The following PLA2R1 variants were observed in gnomAD, a reference collection of about 807,000 sequenced individuals.
The protein encoded by PLA2R1 is phospholipase A2 receptor 1.
Under a neutral mutation model 195.9 loss-of-function variants are expected in PLA2R1, and 158 were observed. The observed-to-expected ratio is 0.81, with a 90% CI of 0.71 to 0.92. The LOEUF is 0.92. Among genes scored for constraint, PLA2R1 ranks in the 40% least tolerant of loss-of-function variants. PLA2R1 has a pLI of 0.00. For synonymous variants in PLA2R1, 586 were observed against 598.2 expected, an observed-to-expected ratio of 0.98 and a Z score of 0.30; for missense variants, 1,626 against 1,764.6, an observed-to-expected ratio of 0.92 and a Z score of 1.41.
chr2:159,951,624 CAAAG>C, intron 23 of PLA2R1, 46 bp from the exon 24 acceptor site: 3 of 967,672 alleles, frequency 3.1e-6, no homozygotes, highest in Admixed American at 1.7e-5. Flanking sequence ...ATCTGGATGA[CAAAG>C]GAAGAGGCAA....
At chr2:159,950,544 T>C (rs372364172) in intron 24 of PLA2R1, among the ~76,000 whole-genome samples, 30 of 152,356 alleles carry the variant, frequency 2.0e-4, no homozygotes, top group African/African-American at 7.0e-4. Context: ...TAATAAGTTG[T>C]GGTATATCCT....
intron 11 of PLA2R1, among the ~76,000 whole-genome samples, chr2:159,999,902 G>T (rs1157227386): frequency 6.6e-6 from 1 of 152,132 alleles, no homozygotes; most frequent in Non-Finnish European, 1.5e-5. Flanking sequence ...TACCCTGAAA[G>T]ATTCTTTTGG....
At chr2:159,946,235 C>T (rs575134467) in intron 27 of PLA2R1, 96 of 979,662 alleles carry the variant, frequency 9.8e-5, no homozygotes, top group African/African-American at 9.1e-4. Flanking sequence ...TACTCCTCCT[C>T]GAAAGGGTAG....
intron 11 of PLA2R1, among the ~76,000 whole-genome samples, chr2:159,996,811 A>G (rs1488038395): frequency 1.3e-5 from 2 of 152,098 alleles, no homozygotes; most frequent in Non-Finnish European, 2.9e-5. Flanking sequence ...TGCCCAGTCT[A>G]CTATAAGGTC....
intron 8 of PLA2R1, 97 bp downstream of exon 8, chr2:160,020,009 C>T: frequency 1.3e-6 from 1 of 773,306 alleles, no homozygotes; most frequent in Non-Finnish European, 2.1e-6. Flanking sequence ...ACAGGGACTG[C>T]ACCTGTCTTG....
rs879483770 is a variant in PLA2R1 at position 159,934,496 on chromosome 2, C to T, written c.*7282G>A. Reference sequence around the variant, plus strand: ...AGTGGTCCTCAAACTTTTTGGCTAGCATACAAAATTGTTAAAAGAATCATG... The same window carrying T: ...AGTGGTCCTCAAACTTTTTGGCTAGTATACAAAATTGTTAAAAGAATCATG... On this transcript the variant is annotated 3_prime_UTR_variant, in exon 30 of 30. Coordinates refer to ENST00000283243, the MANE Select transcript of PLA2R1 (RefSeq NM_007366.5). The T allele has an allele frequency of 2.2e-4, 33 of 152,122 alleles. No homozygotes were observed. The highest frequency in any genetic ancestry group is 6.5e-4 in the African/African-American group (27 of 41,430). 9.4% of individuals were successfully genotyped at this position (152,122 alleles called of 1,614,324 possible).
chr2:159,937,673 T>C lies in PLA2R1; in HGVS notation c.*4105A>G, dbSNP rs964707631. Reference sequence around the variant, plus strand: ...TTTTCTACAGCTTGTTCTCTGACAATAGTCAGGCAGTGGATGAGATAAATT... The same window carrying C: ...TTTTCTACAGCTTGTTCTCTGACAACAGTCAGGCAGTGGATGAGATAAATT... On this transcript the variant is annotated 3_prime_UTR_variant, in exon 30 of 30. Coordinates refer to ENST00000283243, the MANE Select transcript of PLA2R1 (RefSeq NM_007366.5). 6.6e-6 allele frequency: 1 copy of C among 152,232 alleles called. No individual in the cohort carries two copies. The highest frequency in any genetic ancestry group is 1.5e-5 in the Non-Finnish European group (1 of 68,038). 9.4% of individuals were successfully genotyped at this position (152,232 alleles called of 1,614,324 possible).
chr2:160,004,080 T>C (rs1415647452), intron 11 of PLA2R1, among the ~76,000 whole-genome samples: 3 of 152,218 alleles, frequency 2.0e-5, no homozygotes, highest in Non-Finnish European at 4.4e-5. Flanking sequence ...TAACAGTGGT[T>C]GTTTCTGAAA....
chr2:160,011,959 C>CGTGTGTCTGTTTGTGT (rs1558922309), intron 10 of PLA2R1, among the ~76,000 whole-genome samples: 1 of 151,332 alleles, frequency 6.6e-6, no homozygotes, highest in East Asian at 1.9e-4. Context: ...TGTGTGTGTG[C>CGTGTGTCTGTTTGTGT]GTGTGTCTGT....
chr2:159,972,101 C>T (rs1255850111), intron 17 of PLA2R1, among the ~76,000 whole-genome samples: 3 of 152,032 alleles, frequency 2.0e-5, no homozygotes, highest in African/African-American at 7.2e-5. Context: ...TGTTCACTGC[C>T]CCAATTAAGG....
intron 4 of PLA2R1, among the ~76,000 whole-genome samples, chr2:160,029,557 C>T (rs1277801432): frequency 6.6e-6 from 1 of 152,056 alleles, no homozygotes; most frequent in African/African-American, 2.4e-5. Context: ...TGTGGCCCCT[C>T]CTCTTAACCA....
intron 11 of PLA2R1, among the ~76,000 whole-genome samples, chr2:159,990,992 A>G (rs1690742820): frequency 6.6e-6 from 1 of 152,218 alleles, no homozygotes; most frequent in South Asian, 2.1e-4. Context: ...ATTAGGGCAC[A>G]GAGGCTTAGT....
chr2:159,953,946 G>T (rs1019851180), intron 23 of PLA2R1, among the ~76,000 whole-genome samples: 3 of 152,146 alleles, frequency 2.0e-5, no homozygotes, highest in African/African-American at 7.2e-5. Context: ...CGATTCTCAT[G>T]CCTCAGCCTC....
At chr2:160,046,679 G>A (rs1366217729) in intron 1 of PLA2R1, among the ~76,000 whole-genome samples, 1 of 152,058 alleles carries the variant, frequency 6.6e-6, no homozygotes, top group Non-Finnish European at 1.5e-5. Flanking sequence ...AGTTGAATTA[G>A]TTGTCAGAGA....
At chr2:160,051,266 T>G (rs940141863) in intron 1 of PLA2R1, among the ~76,000 whole-genome samples, 1 of 152,228 alleles carries the variant, frequency 6.6e-6, no homozygotes, top group Non-Finnish European at 1.5e-5. Flanking sequence ...TCAAGTGCAA[T>G]GCTTAAGACA....
chr2:159,996,162 T>C (rs1470884688), intron 11 of PLA2R1, among the ~76,000 whole-genome samples: 7 of 152,248 alleles, frequency 4.6e-5, no homozygotes, highest in African/African-American at 2.4e-5. Flanking sequence ...AGCTTCTATA[T>C]CATTTTCCTT....
At chr2:160,047,500 G>A (rs180923721) in intron 1 of PLA2R1, among the ~76,000 whole-genome samples, 1 of 152,278 alleles carries the variant, frequency 6.6e-6, no homozygotes, top group East Asian at 1.9e-4. Flanking sequence ...TGCAGTTTCT[G>A]CAGCACACAG....
intron 1 of PLA2R1, among the ~76,000 whole-genome samples, chr2:160,049,708 C>T (rs1015823497): frequency 6.6e-6 from 1 of 152,094 alleles, no homozygotes; most frequent in Admixed American, 6.6e-5. Flanking sequence ...TGCCTGTATT[C>T]CCAGCTACTC....
intron 2 of PLA2R1, among the ~76,000 whole-genome samples, chr2:160,043,469 G>C (rs1458167928): frequency 6.6e-6 from 1 of 152,130 alleles, no homozygotes; most frequent in Non-Finnish European, 1.5e-5. Context: ...TATGTCCTGG[G>C]GCAAAAGGAC....
Sources: allele counts gnomAD v4.1 joint callset (sites outside exome capture counted in the v4.1 genomes callset), GRCh38; gene constraint gnomAD v4.1.1; transcripts MANE v1.5; gene names NCBI Gene and HGNC (gene_info 2026-07-23, HGNC 2026-07-21).